NRDC: variants seen among roughly 807,000 people sequenced by gnomAD.
The protein encoded by NRDC is nardilysin.
NRDC carries 54 observed loss-of-function variants against 147.1 expected under a neutral mutation model. The observed-to-expected ratio is 0.37, with a 90% CI of 0.29 to 0.46. NRDC has a LOEUF of 0.46. Ranked by LOEUF, NRDC falls within the 20% of genes least tolerant of loss-of-function variation. The pLI is 1.00. For synonymous variants in NRDC, 440 were observed against 482.1 expected, an observed-to-expected ratio of 0.91 and a Z score of 1.14; for missense variants, 1,082 against 1,370.6, an observed-to-expected ratio of 0.79 and a Z score of 3.33.
At chr1:51,791,511 AAC>A (rs1311081453) in intron 27 of NRDC, 65 bp downstream of exon 27, 4 of 1,337,732 alleles carry the variant, frequency 3.0e-6, no homozygotes, top group Middle Eastern at 1.8e-4. Flanking sequence ...GGTTTAAGGA[AAC>A]ACATGTAGCC....
At chr1:51,858,618 C>G (rs1322704165) in intron 1 of NRDC, among the ~76,000 whole-genome samples, 1 of 152,016 alleles carries the variant, frequency 6.6e-6, no homozygotes, top group Non-Finnish European at 1.5e-5. Flanking sequence ...AAAATGTAAA[C>G]CAGTGGGTAA....
intron 1 of NRDC, among the ~76,000 whole-genome samples, chr1:51,851,595 T>C (rs1681952750): frequency 6.6e-6 from 1 of 151,898 alleles, no homozygotes; most frequent in Non-Finnish European, 1.5e-5. Flanking sequence ...TTGGCCACAG[T>C]ATTTTTTAAG....
intron 5 of NRDC, 35 bp from the exon 6 acceptor site, chr1:51,825,417 A>C (rs745984860): frequency 3.5e-6 from 5 of 1,414,172 alleles, no homozygotes; most frequent in Non-Finnish European, 4.9e-6. Flanking sequence ...ATAAAACAAA[A>C]TTCAGTATCT....
At chr1:51,858,658 C>T (rs1219966470) in intron 1 of NRDC, among the ~76,000 whole-genome samples, 1 of 152,036 alleles carries the variant, frequency 6.6e-6, no homozygotes, top group African/African-American at 2.4e-5. Context: ...TAGATCTATC[C>T]AGTCTGAGTC....
chr1:51,805,032 A>G (rs1679400041), intron 19 of NRDC, among the ~76,000 whole-genome samples: 1 of 152,266 alleles, frequency 6.6e-6, no homozygotes, highest in African/African-American at 2.4e-5. Flanking sequence ...AGTATCTCCT[A>G]TATTCAGACA....
At chr1:51,798,503 G>A in intron 21 of NRDC, 92 bp from the exon 22 acceptor site, 1 of 1,122,310 alleles carries the variant, frequency 8.9e-7, no homozygotes, top group Middle Eastern at 2.1e-4. Flanking sequence ...TTCTATAAAG[G>A]ATGTGTTTCT....
intron 2 of NRDC, 187 bp from the exon 3 acceptor site, chr1:51,836,399 C>G: frequency 6.2e-7 from 1 of 1,613,792 alleles, no homozygotes; most frequent in Non-Finnish European, 8.5e-7. Context: ...CCTGCTGCTC[C>G]TCCGCTTGCC....
At chr1:51,849,748 G>C (rs1156456804) in intron 1 of NRDC, among the ~76,000 whole-genome samples, 1 of 151,954 alleles carries the variant, frequency 6.6e-6, no homozygotes, top group Non-Finnish European at 1.5e-5. Flanking sequence ...CCAGGGAGGC[G>C]GAGCTTGCAG....
At position 51,803,902 on chromosome 1, in the gene NRDC, T is replaced by C; in HGVS notation, c.2225A>G (p.Glu742Gly). 6.2e-7 allele frequency: 1 copy of C among 1,613,572 alleles called. No homozygotes were observed. The highest frequency in any genetic ancestry group is 1.1e-5 in the South Asian group (1 of 90,992). The change falls in exon 20 of 31, where the codon GAA becomes GGA. Residue 742 changes from glutamate to glycine, a missense_variant. Around this residue, in one of 3 missense-constraint regions of NRDC, gnomAD observed 635 missense variants for 923.8 expected, o/e 0.69. Transcript: ENST00000352171. Reference protein sequence around the residue: ...LTHNLAEPAYEADVAQLEYKL... With the variant: ...LTHNLAEPAYGADVAQLEYKL... ...ATACTCCAGCTGTGCCACATCTGCTTCATAAGCTGGTTCCGCAAGGTTATG... is the reference window on the plus strand; with the variant it reads ...ATACTCCAGCTGTGCCACATCTGCTCCATAAGCTGGTTCCGCAAGGTTATG...
chr1:51,789,469 T>C, intron 30 of NRDC, 36 bp from the exon 31 acceptor site: 1 of 1,610,086 alleles, frequency 6.2e-7, no homozygotes, highest in Non-Finnish European at 8.5e-7. Flanking sequence ...AAAAATATGC[T>C]GACCAGATTT....
intron 2 of NRDC, chr1:51,837,437 C>T (rs1483579095): frequency 1.4e-6 from 2 of 1,436,464 alleles, no homozygotes; most frequent in Non-Finnish European, 1.9e-6. Flanking sequence ...ATATCCAGTT[C>T]TTCAAACCAC....
intron 1 of NRDC, among the ~76,000 whole-genome samples, chr1:51,870,325 A>C (rs1192937973): frequency 6.6e-6 from 1 of 152,242 alleles, no homozygotes; most frequent in South Asian, 2.1e-4. Context: ...TTGTGTCAAC[A>C]CAACTGACAC....
At chr1:51,824,259 G>GA (rs1680345614) in intron 6 of NRDC, among the ~76,000 whole-genome samples, 1 of 151,878 alleles carries the variant, frequency 6.6e-6, no homozygotes, top group South Asian at 2.1e-4. Context: ...CCAAGTAGCT[G>GA]GGACTACAGG....
chr1:51,796,302 G>A (rs1678908749), intron 22 of NRDC, among the ~76,000 whole-genome samples: 1 of 146,924 alleles, frequency 6.8e-6, no homozygotes, highest in African/African-American at 2.5e-5. Context: ...GCAGTGGCGT[G>A]ATCTCGGCTC....
chr1:51,839,071 T>C (rs1369015908), intron 2 of NRDC, among the ~76,000 whole-genome samples: 1 of 152,090 alleles, frequency 6.6e-6, no homozygotes, highest in Non-Finnish European at 1.5e-5. Flanking sequence ...AAAAAATAAT[T>C]TTTTCCAAGA....
At chr1:51,814,159 G>T in intron 13 of NRDC, 70 bp from the exon 14 acceptor site, 1 of 921,154 alleles carries the variant, frequency 1.1e-6, no homozygotes, top group Non-Finnish European at 1.8e-6. Flanking sequence ...AAGGGCGGGA[G>T]GAGGGAGAGG....
At position 51,823,699 on chromosome 1, in the gene NRDC, G is replaced by C; in HGVS notation, c.1124C>G (p.Ser375Cys). Residue 375 changes from serine to cysteine, a missense_variant, in exon 7 of 31, where the codon TCT becomes TGT. By Grantham distance (112) the Ser-to-Cys change is moderately radical. This residue lies in a region of NRDC where 635 missense variants were observed against 923.8 expected (regional missense o/e 0.69). Coordinates refer to ENST00000352171, the MANE Select transcript of NRDC (RefSeq NM_001101662.2). ...RLREFWMRYY[S>C]SHYMTLVVQS... ...AACCACTAAAGTCATGTAATGAGAA[G>C]AGTAGTAACGCATCCAGAATTCTCT... The C allele has an allele frequency of 1.2e-6, 2 of 1,608,468 alleles. No homozygotes were observed. Among genetic ancestry groups the C allele is most frequent in the Non-Finnish European group, 1.7e-6 (2 of 1,175,328 alleles).
chr1:51,836,448 A>C, intron 2 of NRDC: 2 of 1,613,344 alleles, frequency 1.2e-6, no homozygotes, highest in Non-Finnish European at 1.7e-6. Context: ...CCTAAGGAAA[A>C]AAAGCAGAAA....
chr1:51,790,357 C>T (rs928208447), intron 29 of NRDC, among the ~76,000 whole-genome samples, 176 bp downstream of exon 29: 2 of 151,538 alleles, frequency 1.3e-5, no homozygotes, highest in African/African-American at 2.4e-5. Flanking sequence ...GCTCACGTGG[C>T]CACCTAAGGT....
Sources: gnomAD v4.1 joint callset for allele counts (sites outside exome capture counted in the v4.1 genomes callset) on GRCh38, gnomAD v4.1.1 for gene constraint, gnomAD v4.1.1 regional missense constraint, MANE v1.5 for transcripts, NCBI Gene and HGNC (gene_info 2026-07-23, HGNC 2026-07-21) for gene names.